EML6: variants seen among roughly 807,000 people sequenced by gnomAD.
EML6 encodes the protein echinoderm microtubule-associated protein-like 6.
A neutral mutation model predicts 240.1 loss-of-function variants in EML6; 154 were observed. That is an observed-to-expected ratio of 0.64 (90% confidence interval 0.56 to 0.73). The LOEUF (loss-of-function observed/expected upper bound fraction) is 0.73. Among genes scored for constraint, EML6 ranks in the 30% least tolerant of loss-of-function variants. EML6 has a pLI of 0.00. For missense variants in EML6, 2,964 were observed against 2,474.6 expected, an observed-to-expected ratio of 1.20 and a Z score of -4.20; for synonymous variants, 1,148 against 899.0, an observed-to-expected ratio of 1.28 and a Z score of -4.95.
At chr2:54,779,855 C>CAAAAAAA (rs1360497723) in intron 2 of EML6, among the ~76,000 whole-genome samples, 1 of 48,644 alleles carries the variant, frequency 2.1e-5, no homozygotes. Flanking sequence ...GACCCAGTCT[C>CAAAAAAA]AAAAAAAAAG....
At position 54,760,822 on chromosome 2, in the gene EML6, AT is replaced by A. The variant is rs200476039; in HGVS notation, c.197+35587del. Among the ~76,000 whole-genome samples, 385 of 120,406 alleles carry A rather than the reference AT, an allele frequency of 3.2e-3. 1 individual carries two copies. Among genetic ancestry groups the A allele is most frequent in the African/African-American group, 6.8e-3 (207 of 30,450 alleles). 79.0% of individuals were successfully genotyped at this position (120,406 alleles called of 152,430 possible). A position where few individuals can be genotyped will look rare whatever the true frequency, so the allele number is the denominator to read the frequency against. On this transcript the variant is annotated intron_variant, in intron 2 of 41. Coordinates refer to ENST00000356458, the MANE Select transcript of EML6 (RefSeq NM_001039753.4). ...CCCATTGCTTTGAAGTTGAGGGAGC[AT>A]TTTTTTTTTTTTTTTTTTTTTTACT...
intron 21 of EML6, among the ~76,000 whole-genome samples, chr2:54,896,948 G>C (rs564024114): frequency 3.3e-5 from 5 of 152,332 alleles, no homozygotes; most frequent in African/African-American, 1.2e-4. Context: ...CTTGCAGCCA[G>C]GCTAGAGAAC....
In EML6 at chr2:54,941,773, G is replaced by A. The variant is rs1010571433; in HGVS notation, c.4005-7109G>A. On this transcript the variant is annotated intron_variant, in intron 28 of 41. Coordinates refer to ENST00000356458, the MANE Select transcript of EML6 (RefSeq NM_001039753.4). ...GAGTGATGGCACACGCGTAGTGCAC[G>A]CAGGGCGAGGAGCACTCCTGCTCCA... 7.2e-5 allele frequency among the ~76,000 whole-genome samples: 11 copies of A among 152,354 alleles called. No homozygotes were observed. In the South Asian group the frequency reaches 8.3e-4, roughly 11 times the overall value.
intron 9 of EML6, 134 bp downstream of exon 9, chr2:54,847,757 G>T (rs912977322): frequency 9.9e-6 from 8 of 811,768 alleles, no homozygotes; most frequent in South Asian, 5.4e-5. Context: ...ATAGATCTAC[G>T]ATCCCCTATC....
chr2:54,914,553 C>A (rs1343912731), intron 25 of EML6, among the ~76,000 whole-genome samples: 1 of 31,850 alleles, frequency 3.1e-5, no homozygotes, highest in African/African-American at 1.1e-4. Context: ...CAGGCTCTTG[C>A]TCTGAAGAGT....
intron 8 of EML6, 70 bp from the exon 9 acceptor site, chr2:54,847,416 C>T (rs1220799093): frequency 6.6e-7 from 1 of 1,503,906 alleles, no homozygotes; most frequent in East Asian, 2.5e-5. Context: ...AGCAGCCCTT[C>T]TTGCCTTGGG....
At chr2:54,740,270 A>G (rs1226684276) in intron 2 of EML6, among the ~76,000 whole-genome samples, 2 of 152,162 alleles carry the variant, frequency 1.3e-5, no homozygotes, top group Non-Finnish European at 2.9e-5. Context: ...AGAAAGATCA[A>G]CTTTTTAGAA....
At chr2:54,748,590 C>T (rs1684020987) in intron 2 of EML6, among the ~76,000 whole-genome samples, 1 of 151,960 alleles carries the variant, frequency 6.6e-6, no homozygotes, top group Admixed American at 6.6e-5. Flanking sequence ...AACAGGATTG[C>T]ACTCTGTAGC....
intron 16 of EML6, among the ~76,000 whole-genome samples, chr2:54,878,075 GTATT>G (rs1671602708): frequency 2.6e-5 from 4 of 152,168 alleles, no homozygotes; most frequent in Non-Finnish European, 5.9e-5. Context: ...TGTCATAAGT[GTATT>G]CCATGCAAAA....
At chr2:54,811,375 A>G (rs1050091624) in intron 2 of EML6, among the ~76,000 whole-genome samples, 4 of 152,086 alleles carry the variant, frequency 2.6e-5, no homozygotes, top group African/African-American at 9.7e-5. Flanking sequence ...TGTGGAGGAC[A>G]TTGTCTTTTC....
chr2:54,849,423 CTTAA>C lies in EML6; in HGVS notation c.1188-534_1188-531del, dbSNP rs546816676. Among the ~76,000 whole-genome samples the C allele has an allele frequency of 1.2e-3, 176 of 152,320 alleles. 4 individuals carry two copies. Among genetic ancestry groups the C allele is most frequent in the South Asian group, 3.5e-3 (17 of 4,832 alleles). On this transcript the variant is annotated intron_variant, in intron 9 of 41. Coordinates refer to ENST00000356458, the MANE Select transcript of EML6 (RefSeq NM_001039753.4). Reference sequence around the variant, plus strand: ...TACTTCTCTTCATCACAAATATGCACTTAATTAAATTTTTTGTTTTTACTTTGGA... The same window carrying C: ...TACTTCTCTTCATCACAAATATGCACTTAAATTTTTTGTTTTTACTTTGGA...
chr2:54,941,805 T>A (rs866312205), intron 28 of EML6, among the ~76,000 whole-genome samples: 12 of 152,270 alleles, frequency 7.9e-5, no homozygotes, highest in Non-Finnish European at 1.3e-4. Context: ...TCCAGAGCCC[T>A]TCTCTCGAAG....
intron 21 of EML6, among the ~76,000 whole-genome samples, chr2:54,898,863 G>C (rs1200921767): frequency 6.6e-6 from 1 of 152,194 alleles, no homozygotes; most frequent in Admixed American, 6.5e-5. Context: ...GAAAAATTAT[G>C]AGAATCAAAT....
rs138835253 is a variant in EML6, at chr2:54,895,406, G to T, written c.2982+6G>T. 7.0e-5 allele frequency: 108 copies of T among 1,551,598 alleles called. No homozygotes were observed. Among genetic ancestry groups the T allele is most frequent in the Non-Finnish European group, 9.3e-5 (107 of 1,146,862 alleles). ...CAATGACACTGCTTGTTCAGGTACT[G>T]TTTGTATGTATTCTAAACTGCAGTT... On this transcript the variant is annotated splice_donor_region_variant and intron_variant, in intron 21 of 41. Coordinates refer to ENST00000356458, the MANE Select transcript of EML6 (RefSeq NM_001039753.4).
At chr2:54,891,955 A>C (rs1178033280) in intron 18 of EML6, among the ~76,000 whole-genome samples, 1 of 152,216 alleles carries the variant, frequency 6.6e-6, no homozygotes, top group Non-Finnish European at 1.5e-5. Flanking sequence ...TCTCACCCCA[A>C]AATAGCTGTT....
intron 11 of EML6, among the ~76,000 whole-genome samples, chr2:54,855,736 T>A (rs551265446): frequency 6.6e-6 from 1 of 152,300 alleles, no homozygotes; most frequent in Admixed American, 6.5e-5. Flanking sequence ...GTTCTACTTT[T>A]CATGACACAT....
chr2:54,835,674 C>A (rs1045214482), intron 7 of EML6, among the ~76,000 whole-genome samples: 9 of 152,122 alleles, frequency 5.9e-5, no homozygotes, highest in Non-Finnish European at 1.0e-4. Flanking sequence ...CTGAGTACTG[C>A]GATGGTCAGA....
intron 2 of EML6, among the ~76,000 whole-genome samples, chr2:54,808,591 TG>T (rs1268534999): frequency 6.6e-6 from 1 of 152,142 alleles, no homozygotes; most frequent in Non-Finnish European, 1.5e-5. Context: ...TGAAGCAGCC[TG>T]GGCAAAAATG....
At chr2:54,795,306 T>C (rs1669699470) in intron 2 of EML6, among the ~76,000 whole-genome samples, 1 of 152,042 alleles carries the variant, frequency 6.6e-6, no homozygotes, top group Non-Finnish European at 1.5e-5. Context: ...AGAGAGAGCA[T>C]GTGTGAATGA....
Sources: allele counts gnomAD v4.1 joint callset (sites outside exome capture counted in the v4.1 genomes callset), GRCh38; gene constraint gnomAD v4.1.1; transcripts MANE v1.5; gene names NCBI Gene and HGNC (gene_info 2026-07-23, HGNC 2026-07-21).